The following FBXL7 variants were observed in gnomAD, a reference collection of about 807,000 sequenced individuals.
FBXL7 encodes the protein F-box/LRR-repeat protein 7.
A neutral mutation model predicts 38.3 loss-of-function variants in FBXL7; 12 were observed. That is an observed-to-expected ratio of 0.31 (90% CI 0.20 to 0.51). FBXL7 has a LOEUF of 0.51. Among genes scored for constraint, FBXL7 ranks in the 20% least tolerant of loss-of-function variants. The pLI is 0.98. For synonymous variants in FBXL7, 297 were observed against 300.9 expected, an observed-to-expected ratio of 0.99 and a Z score of 0.13; for missense variants, 567 against 676.4, an observed-to-expected ratio of 0.84 and a Z score of 1.79.
intron 2 of FBXL7, among the ~76,000 whole-genome samples, chr5:15,885,890 A>AT (rs200739879): frequency 0.011 from 1,670 of 145,264 alleles, 30 homozygotes; most frequent in African/African-American, 0.035. Flanking sequence ...AATTTATTTT[A>AT]TTTTTTTTTT....
chr5:15,745,758 G>A (rs1369208919), intron 2 of FBXL7, among the ~76,000 whole-genome samples: 1 of 152,168 alleles, frequency 6.6e-6, no homozygotes, highest in Non-Finnish European at 1.5e-5. Flanking sequence ...AGCACAGTGG[G>A]GTCAGGATGA....
At chr5:15,583,271 A>G (rs1580384935) in intron 1 of FBXL7, among the ~76,000 whole-genome samples, 1 of 152,144 alleles carries the variant, frequency 6.6e-6, no homozygotes, top group Non-Finnish European at 1.5e-5. Context: ...GGGGATTACA[A>G]TTTGAGATGA....
chr5:15,549,312 G>A (rs911292223), intron 1 of FBXL7, among the ~76,000 whole-genome samples: 1 of 152,188 alleles, frequency 6.6e-6, no homozygotes, highest in Non-Finnish European at 1.5e-5. Context: ...TTGGAAAGAG[G>A]AGAAAAGTAT....
intron 2 of FBXL7, among the ~76,000 whole-genome samples, chr5:15,732,100 T>C (rs1170382658): frequency 6.6e-6 from 1 of 152,224 alleles, no homozygotes; most frequent in Non-Finnish European, 1.5e-5. Context: ...TTTATATGTT[T>C]TTCCCCAGAC....
intron 2 of FBXL7, among the ~76,000 whole-genome samples, chr5:15,694,575 A>G (rs1743274086): frequency 2.0e-5 from 3 of 152,202 alleles, no homozygotes; most frequent in African/African-American, 7.2e-5. Flanking sequence ...CCAGGAGCAC[A>G]AAACAGATCT....
At chr5:15,640,865 A>G (rs1345763557) in intron 2 of FBXL7, among the ~76,000 whole-genome samples, 1 of 152,130 alleles carries the variant, frequency 6.6e-6, no homozygotes, top group African/African-American at 2.4e-5. Context: ...GACACAATTC[A>G]ATCCATAAAA....
At chr5:15,661,578 G>A (rs1396606948) in intron 2 of FBXL7, among the ~76,000 whole-genome samples, 3 of 152,130 alleles carry the variant, frequency 2.0e-5, no homozygotes, top group African/African-American at 7.2e-5. Flanking sequence ...TAAGTTTGAA[G>A]TTACATGTGA....
chr5:15,876,945 C>G (rs1416032475), intron 2 of FBXL7, among the ~76,000 whole-genome samples: 1 of 152,158 alleles, frequency 6.6e-6, no homozygotes, highest in East Asian at 1.9e-4. Flanking sequence ...CATTCTAAAC[C>G]TGGGTTCATT....
At chr5:15,560,836 A>G (rs953015305) in intron 1 of FBXL7, among the ~76,000 whole-genome samples, 2 of 152,110 alleles carry the variant, frequency 1.3e-5, no homozygotes, top group African/African-American at 4.8e-5. Flanking sequence ...CTACTTACAT[A>G]TGTATTATAA....
intron 1 of FBXL7, among the ~76,000 whole-genome samples, chr5:15,604,763 A>G (rs1301303164): frequency 6.6e-6 from 1 of 151,946 alleles, no homozygotes; most frequent in Non-Finnish European, 1.5e-5. Flanking sequence ...TCCATTTCAC[A>G]TTTTCGTTTT....
At position 15,719,684 on chromosome 5, in the gene FBXL7, AGT is replaced by A. The variant is rs2126650984; in HGVS notation, c.127+103617_127+103618del. Among the ~76,000 whole-genome samples the A allele has an allele frequency of 1.3e-5, 2 of 148,874 alleles. 1 individual carries two copies. Among genetic ancestry groups the A allele is most frequent in the Admixed American group, 1.4e-4 (2 of 14,728 alleles). On this transcript the variant is annotated intron_variant, in intron 2 of 3. Transcript: ENST00000504595. The stretch of plus-strand genomic sequence containing the variant: ...CGAACAGCTGGTTAGTTCTTTTGTG[AGT>A]GTGTTTATCTTTCTAAAATCTTTAC...
chr5:15,914,246 C>T (rs137974672), intron 2 of FBXL7, among the ~76,000 whole-genome samples: 22 of 151,912 alleles, frequency 1.4e-4, no homozygotes, highest in African/African-American at 4.8e-4. Flanking sequence ...ATTAGTCGGG[C>T]GTGGTGGCGG....
chr5:15,512,989 A>T (rs569565564), intron 1 of FBXL7, among the ~76,000 whole-genome samples: 5 of 152,194 alleles, frequency 3.3e-5, no homozygotes, highest in Admixed American at 3.3e-4. Flanking sequence ...TTTTAGATTC[A>T]TACTAATCAA....
intron 2 of FBXL7, among the ~76,000 whole-genome samples, chr5:15,751,263 C>A (rs1156335794): frequency 6.6e-6 from 1 of 151,704 alleles, no homozygotes; most frequent in Non-Finnish European, 1.5e-5. Context: ...TTTCTTTTCA[C>A]TTTTTCTTTG....
intron 2 of FBXL7, among the ~76,000 whole-genome samples, chr5:15,821,561 T>C (rs1044463847): frequency 1.3e-5 from 2 of 151,034 alleles, no homozygotes; most frequent in Admixed American, 1.3e-4. Context: ...AAATCAATAA[T>C]TCAGCAACAG....
chr5:15,780,152 G>A (rs1212138442), intron 2 of FBXL7, among the ~76,000 whole-genome samples: 4 of 152,102 alleles, frequency 2.6e-5, no homozygotes, highest in Non-Finnish European at 5.9e-5. Context: ...GCACGGCTGT[G>A]TCTATATATT....
Position 15,775,072 on chromosome 5 carries a change from T to C in FBXL7, c.128-152818T>C, listed in dbSNP as rs917653172. Among the ~76,000 whole-genome samples the C allele has an allele frequency of 2.6e-5, 4 of 152,160 alleles. 1 individual carries two copies. The highest frequency in any genetic ancestry group is 7.2e-5 in the African/African-American group (3 of 41,444). On this transcript the variant is annotated intron_variant, in intron 2 of 3. Transcript: ENST00000504595. The stretch of plus-strand genomic sequence containing the variant: ...GACATGATTTTTAAATAATTGAAAC[T>C]GTAAAAACATTTCACAGTTTACCAT...
chr5:15,913,342 T>C (rs1206029872), intron 2 of FBXL7, among the ~76,000 whole-genome samples: 1 of 152,110 alleles, frequency 6.6e-6, no homozygotes, highest in Non-Finnish European at 1.5e-5. Context: ...TATGTATACA[T>C]GTGCCATGCT....
chr5:15,787,022 A>G (rs1018179054), intron 2 of FBXL7, among the ~76,000 whole-genome samples: 2 of 152,212 alleles, frequency 1.3e-5, no homozygotes, highest in Non-Finnish European at 2.9e-5. Context: ...AGAGGCAGAG[A>G]TCAGAGTGAT....
Sources: gnomAD v4.1 joint callset for allele counts (sites outside exome capture counted in the v4.1 genomes callset) on GRCh38, gnomAD v4.1.1 for gene constraint, MANE v1.5 for transcripts, NCBI Gene and HGNC (gene_info 2026-07-23, HGNC 2026-07-21) for gene names.